The following PALM2AKAP2 variants were observed in gnomAD, a reference collection of about 807,000 sequenced individuals.
PALM2AKAP2 encodes PALM2 and AKAP2 fusion.
Under a neutral mutation model 71.5 loss-of-function variants are expected in PALM2AKAP2, and 37 were observed. That is an observed-to-expected ratio of 0.52 (90% CI 0.40 to 0.68). The LOEUF is 0.68. PALM2AKAP2 is among the 30% of genes least tolerant of loss of function. PALM2AKAP2 has a pLI of 0.00. For missense variants in PALM2AKAP2, 1,224 were observed against 1,191.8 expected, an observed-to-expected ratio of 1.03 and a Z score of -0.40; for synonymous variants, 468 against 478.8, an observed-to-expected ratio of 0.98 and a Z score of 0.29.
intron 1 of PALM2AKAP2, among the ~76,000 whole-genome samples, chr9:109,653,402 A>G (rs567506210): frequency 6.6e-6 from 1 of 152,340 alleles, no homozygotes; most frequent in African/African-American, 2.4e-5. Context: ...AAAGGCATTA[A>G]AAGTTGTCCC....
At chr9:109,824,454 T>A (rs1828090395) in intron 1 of PALM2AKAP2, among the ~76,000 whole-genome samples, 1 of 152,216 alleles carries the variant, frequency 6.6e-6, no homozygotes, top group Admixed American at 6.5e-5. Flanking sequence ...TCTGATACTG[T>A]CATTTCTTCT....
chr9:110,116,246 GC>G (rs1213886346), intron 1 of PALM2AKAP2, among the ~76,000 whole-genome samples: 1 of 152,174 alleles, frequency 6.6e-6, no homozygotes, highest in African/African-American at 2.4e-5. Context: ...GAGATATGGT[GC>G]TTTTTGCCTA....
At chr9:109,904,245 G>A (rs2131862390) in intron 3 of PALM2AKAP2, among the ~76,000 whole-genome samples, 1 of 152,248 alleles carries the variant, frequency 6.6e-6, no homozygotes, top group East Asian at 1.9e-4. Flanking sequence ...AGATTGAGGA[G>A]AAAATCAGAT....
At chr9:110,026,016 C>T (rs1391940955) in intron 7 of PALM2AKAP2, among the ~76,000 whole-genome samples, 4 of 152,284 alleles carry the variant, frequency 2.6e-5, no homozygotes, top group South Asian at 2.1e-4. Flanking sequence ...TCCACCACTA[C>T]GTCCCTCTGC....
At chr9:110,014,386 G>A (rs796189790) in intron 6 of PALM2AKAP2, among the ~76,000 whole-genome samples, 4 of 152,136 alleles carry the variant, frequency 2.6e-5, no homozygotes, top group African/African-American at 9.6e-5. Flanking sequence ...GTATTTGCTT[G>A]TTAAAGGAGA....
intron 1 of PALM2AKAP2, among the ~76,000 whole-genome samples, chr9:110,080,477 G>A (rs1267711211): frequency 1.3e-5 from 2 of 152,178 alleles, no homozygotes; most frequent in Non-Finnish European, 2.9e-5. Flanking sequence ...AACCATAGAG[G>A]TGTGATGTCA....
chr9:109,970,691 G>C (rs890804825), intron 6 of PALM2AKAP2, among the ~76,000 whole-genome samples: 1 of 152,228 alleles, frequency 6.6e-6, no homozygotes, highest in Admixed American at 6.5e-5. Context: ...CACAGCCTCA[G>C]TTTACTCATC....
At chr9:109,865,597 T>A (rs1262301648) in intron 1 of PALM2AKAP2, among the ~76,000 whole-genome samples, 1 of 152,148 alleles carries the variant, frequency 6.6e-6, no homozygotes, top group Non-Finnish European at 1.5e-5. Context: ...GACTTTCTGA[T>A]GGAACAAAGT....
intron 1 of PALM2AKAP2, among the ~76,000 whole-genome samples, chr9:110,060,290 T>C (rs896093902): frequency 4.6e-5 from 7 of 152,070 alleles, no homozygotes; most frequent in African/African-American, 1.7e-4. Context: ...TTTTTGTATT[T>C]CTAATATTCA....
chr9:109,817,079 T>G (rs1422942927), intron 1 of PALM2AKAP2, among the ~76,000 whole-genome samples: 1 of 152,234 alleles, frequency 6.6e-6, no homozygotes, highest in Non-Finnish European at 1.5e-5. Flanking sequence ...GAATAAATCT[T>G]AGGCACATAA....
At chr9:109,716,530 T>C (rs1372403961) in intron 1 of PALM2AKAP2, among the ~76,000 whole-genome samples, 1 of 152,186 alleles carries the variant, frequency 6.6e-6, no homozygotes, top group African/African-American at 2.4e-5. Flanking sequence ...CAAACGTAAA[T>C]GGGCATTCTG....
intron 1 of PALM2AKAP2, among the ~76,000 whole-genome samples, chr9:109,672,970 G>A (rs753467973): frequency 6.6e-6 from 1 of 151,888 alleles, no homozygotes; most frequent in Non-Finnish European, 1.5e-5. Flanking sequence ...GTTTCTGATT[G>A]TGTTTATTAA....
At position 110,012,008 on chromosome 9, in the gene PALM2AKAP2, T is replaced by G. The variant is rs371554165; in HGVS notation, c.497-3946T>G. 1.4e-4 allele frequency among the ~76,000 whole-genome samples: 22 copies of G among 152,294 alleles called. No individual in the cohort carries two copies. In the South Asian group the frequency reaches 4.6e-3, roughly 32 times the overall value. On this transcript the variant is annotated intron_variant, in intron 6 of 9. Transcript: ENST00000302798. ...AAACATTGCTGTTCTGAAAAGCCCT[T>G]TTTAGGCTGGGCACGGTGGCTTATG...
chr9:110,013,955 G>A (rs569914440), intron 6 of PALM2AKAP2, among the ~76,000 whole-genome samples: 26 of 152,210 alleles, frequency 1.7e-4, no homozygotes, highest in African/African-American at 4.8e-4. Context: ...CAAACTAGCT[G>A]TTTTTGTAAA....
chr9:109,747,366 T>C (rs1828818872), intron 1 of PALM2AKAP2, among the ~76,000 whole-genome samples: 1 of 152,214 alleles, frequency 6.6e-6, no homozygotes, highest in African/African-American at 2.4e-5. Flanking sequence ...ACTCTAGAAA[T>C]GTTTGTTAAA....
chr9:110,001,413 G>A (rs1210189042), intron 6 of PALM2AKAP2, among the ~76,000 whole-genome samples: 7 of 152,182 alleles, frequency 4.6e-5, no homozygotes, highest in Admixed American at 4.6e-4. Flanking sequence ...TTTGGTTACT[G>A]TAACCTTGTA....
At chr9:109,934,900 T>C (rs1008527420) in intron 6 of PALM2AKAP2, among the ~76,000 whole-genome samples, 3 of 152,252 alleles carry the variant, frequency 2.0e-5, no homozygotes, top group African/African-American at 7.2e-5. Flanking sequence ...AAAATAAGCA[T>C]GAGCTATGCA....
intron 3 of PALM2AKAP2, among the ~76,000 whole-genome samples, chr9:109,884,753 A>G (rs546717288): frequency 1.3e-5 from 2 of 152,370 alleles, no homozygotes; most frequent in African/African-American, 4.8e-5. Flanking sequence ...AAAGAGATAC[A>G]TAAACTGGTT....
chr9:109,831,072 G>A (rs1828286192), intron 1 of PALM2AKAP2, among the ~76,000 whole-genome samples: 1 of 151,478 alleles, frequency 6.6e-6, no homozygotes, highest in African/African-American at 2.4e-5. Flanking sequence ...CTGTTCAATT[G>A]GAGGTGAGAT....
Sources: gnomAD v4.1 joint callset for allele counts (sites outside exome capture counted in the v4.1 genomes callset) on GRCh38, gnomAD v4.1.1 for gene constraint, MANE v1.5 for transcripts, NCBI Gene and HGNC (gene_info 2026-07-23, HGNC 2026-07-21) for gene names.